INSR: variants seen among roughly 807,000 people sequenced by gnomAD.
The protein encoded by INSR is insulin receptor, also known as IR.
INSR carries 67 observed loss-of-function variants against 142.6 expected under a neutral mutation model. The ratio of observed to expected loss-of-function variants is 0.47; its 90% CI spans 0.39 to 0.58. The LOEUF is 0.58. Ranked by LOEUF, INSR falls within the 20% of genes least tolerant of loss-of-function variation. The pLI is 0.00. For missense variants in INSR, 1,248 were observed against 1,833.2 expected (o/e 0.68, Z 5.83); for synonymous variants, 756 against 743.1 (o/e 1.02, Z -0.28).
intron 2 of INSR, among the ~76,000 whole-genome samples, chr19:7,199,085 T>C (rs1434461829): frequency 6.6e-6 from 1 of 152,100 alleles, no homozygotes; most frequent in African/African-American, 2.4e-5. Flanking sequence ...GGGGACTCGT[T>C]GCCCAGGCTG....
intron 10 of INSR, chr19:7,151,975 T>C (rs1973375628): frequency 6.6e-6 from 1 of 151,824 alleles, no homozygotes; most frequent in African/African-American, 2.4e-5. Flanking sequence ...AAACTGTTTT[T>C]TTTTTTTTTT....
chr19:7,162,399 A>G (rs1209105756), intron 9 of INSR, among the ~76,000 whole-genome samples: 1 of 150,568 alleles, frequency 6.6e-6, no homozygotes, highest in East Asian at 1.9e-4. Flanking sequence ...GTGTTCCAGC[A>G]ACTCATGAGG....
Position 7,163,195 on chromosome 19 carries a change from G to A in INSR, c.1866C>T (p.Pro622=), listed in dbSNP as rs767792551. 4.3e-6 allele frequency: 7 copies of A among 1,613,004 alleles called. No homozygotes were observed. The East Asian group carries it at 1.3e-4, about 31-fold the overall frequency. The part of the protein sequence containing the change: ...IIYVQTDATN[P]SVPLDPISVS... ...CTGAGATTGGATCCAGGGGCACAGA[G>A]GGGTCTGTCAGGGAGAAAGGAAATG... Residue 622 remains proline, a synonymous_variant, in exon 9 of 22, where the codon CCC becomes CCT. Transcript: ENST00000302850.
chr19:7,117,271 G>A lies in INSR; in HGVS notation c.3934C>T (p.Pro1312Ser). ...SFFHSEENKAPESEELEMEFE... is the reference protein window; with the variant it reads ...SFFHSEENKASESEELEMEFE... The stretch of plus-strand genomic sequence containing the variant: ...TCCATCTCCAGCTCCTCACTCTCGG[G>A]AGCCTTGTTCTCCTCGCTGTGGAAG... Residue 1312 changes from proline (P) to serine (S), a missense_variant, in exon 22 of 22, where the codon CCC becomes TCC. Coordinates refer to ENST00000302850, the MANE Select transcript of INSR (RefSeq NM_000208.4). 6.2e-7 allele frequency: 1 copy of A among 1,614,194 alleles called. No individual in the cohort carries two copies. The highest frequency in any genetic ancestry group is 8.5e-7 in the Non-Finnish European group (1 of 1,180,042).
At chr19:7,234,666 C>T (rs537588060) in intron 2 of INSR, among the ~76,000 whole-genome samples, 18 of 152,256 alleles carry the variant, frequency 1.2e-4, no homozygotes, top group Non-Finnish European at 2.1e-4. Flanking sequence ...ATGGGAGAAT[C>T]GACAGTTCCG....
At chr19:7,287,952 G>C (rs1968385596) in intron 1 of INSR, among the ~76,000 whole-genome samples, 1 of 152,210 alleles carries the variant, frequency 6.6e-6, no homozygotes, top group African/African-American at 2.4e-5. Flanking sequence ...ATGATGAGTA[G>C]ACAAATGAGT....
At position 7,163,236 on chromosome 19, in the gene INSR, A is replaced by G. The variant is rs754907359; in HGVS notation, c.1862-37T>C. On this transcript the variant is annotated intron_variant, in intron 8 of 21. Coordinates refer to ENST00000302850, the MANE Select transcript of INSR (RefSeq NM_000208.4). ...AAAGGAAATGGGTCCATCATGAGAA[A>G]CAGTGTGCAAAGAAAGCTGGTGGGA... The G allele has an allele frequency of 1.9e-6, 3 of 1,586,224 alleles. No homozygotes were observed. In the Admixed American group the frequency reaches 5.0e-5, roughly 26 times the overall value.
intron 5 of INSR, 134 bp from the exon 6 acceptor site, chr19:7,170,885 A>G: frequency 3.8e-6 from 3 of 780,828 alleles, no homozygotes; most frequent in Non-Finnish European, 6.9e-6. Context: ...GCACATACTC[A>G]ACACATATTT....
intron 11 of INSR, among the ~76,000 whole-genome samples, chr19:7,149,176 G>A (rs1341268187): frequency 6.6e-6 from 1 of 152,064 alleles, no homozygotes; most frequent in Non-Finnish European, 1.5e-5. Context: ...CAAAGTGCTG[G>A]GATTACAGGC....
At chr19:7,243,071 A>T (rs1488486939) in intron 2 of INSR, among the ~76,000 whole-genome samples, 3 of 151,742 alleles carry the variant, frequency 2.0e-5, no homozygotes, top group African/African-American at 7.3e-5. Context: ...AGGAGCACAG[A>T]CTCCAGATGG....
chr19:7,266,984 G>A (rs1184923090), intron 2 of INSR, among the ~76,000 whole-genome samples: 1 of 152,056 alleles, frequency 6.6e-6, no homozygotes, highest in Non-Finnish European at 1.5e-5. Context: ...TCACTGACTA[G>A]CACAGGCGGT....
In INSR at chr19:7,125,946, G is replaced by C. The variant is rs1377242964; in HGVS notation, c.3014-419C>G. On this transcript the variant is annotated intron_variant, in intron 16 of 21. Transcript: ENST00000302850. This position sits in a 1 kb window ranked among gnomAD's most constrained non-coding sequence, Gnocchi z 4.9. ...TACTTGGAGCTCTTCCCATGAAAAG[G>C]TGGAGTCTATCTCACCACCCCTTGG... 6.6e-6 allele frequency among the ~76,000 whole-genome samples: 1 copy of C among 152,178 alleles called. No individual in the cohort carries two copies. The highest frequency in any genetic ancestry group is 2.4e-5 in the African/African-American group (1 of 41,450).
intron 1 of INSR, among the ~76,000 whole-genome samples, chr19:7,281,239 G>T (rs1224121094): frequency 2.0e-5 from 3 of 152,126 alleles, no homozygotes; most frequent in Non-Finnish European, 4.4e-5. Flanking sequence ...GTGTAACTGG[G>T]TATAATTAGG....
chr19:7,246,425 A>G (rs552009837), intron 2 of INSR, among the ~76,000 whole-genome samples: 11 of 152,286 alleles, frequency 7.2e-5, no homozygotes, highest in Non-Finnish European at 1.5e-4. Flanking sequence ...GCCAGCACCA[A>G]CCACCAGACA....
At chr19:7,149,943 AGG>A (rs2144880986) in intron 11 of INSR, among the ~76,000 whole-genome samples, 1 of 5,342 alleles carries the variant, frequency 1.9e-4, no homozygotes, top group South Asian at 8.9e-3. Flanking sequence ...GAAAGAAGGA[AGG>A]AAGGAAGGAA....
chr19:7,152,397 G>T, intron 10 of INSR: 1 of 347,250 alleles, frequency 2.9e-6, no homozygotes. Context: ...AAAAAAAAGA[G>T]AGAGAGAGAA....
chr19:7,147,904 G>C (rs894104518), intron 11 of INSR, among the ~76,000 whole-genome samples: 2 of 150,672 alleles, frequency 1.3e-5, no homozygotes, highest in Non-Finnish European at 2.9e-5. Context: ...AGTGGCAAAA[G>C]ACAAAGCATC....
intron 2 of INSR, among the ~76,000 whole-genome samples, chr19:7,249,639 G>C (rs1976644080): frequency 6.6e-6 from 1 of 151,972 alleles, no homozygotes; most frequent in Non-Finnish European, 1.5e-5. Context: ...CTTGAGCCCT[G>C]GAGTTCAAGA....
At chr19:7,239,826 GA>G (rs3084092) in intron 2 of INSR, among the ~76,000 whole-genome samples, 2 of 86,784 alleles carry the variant, frequency 2.3e-5, no homozygotes, top group Non-Finnish European at 4.8e-5. Context: ...TGGCTGAGAG[GA>G]AAAAAAAAAG....
Sources: allele counts gnomAD v4.1 joint callset (sites outside exome capture counted in the v4.1 genomes callset), GRCh38; gene constraint gnomAD v4.1.1; non-coding constraint Gnocchi (gnomAD v3.1); transcripts MANE v1.5; gene names NCBI Gene and HGNC (gene_info 2026-07-23, HGNC 2026-07-21).